The following TLN1 variants were observed in gnomAD, a reference collection of about 807,000 sequenced individuals.
TLN1 encodes the protein talin-1.
In TLN1, 56 loss-of-function variants were observed where a neutral mutation model predicts 292.3. The observed-to-expected ratio is 0.19, with a 90% CI of 0.15 to 0.24. The LOEUF (loss-of-function observed/expected upper bound fraction) is 0.24. Ranked by LOEUF, TLN1 falls within the 10% of genes least tolerant of loss-of-function variation. The probability of loss-of-function intolerance (pLI) is 1.00; values close to 1 mark genes in which losing one functional copy is unlikely to be tolerated. For synonymous variants in TLN1, 1,119 were observed against 1,253.7 expected (o/e 0.89, Z 2.27); for missense variants, 2,433 against 3,248.2 (o/e 0.75, Z 6.10).
Position 35,718,889 on chromosome 9 carries a change from C to T in TLN1, c.1918G>A (p.Ala640Thr), listed in dbSNP as rs150216234. ...CTGGCCTGGCCCACGTTCCCAGCTG[C>T]TTGCAGCAGGTTCTGACGGGGCTGT... is the stretch of plus-strand genomic sequence containing the variant. ...SAEPRQNLLQAAGNVGQASGE... is the reference protein window; with the variant it reads ...SAEPRQNLLQTAGNVGQASGE... The change falls in exon 17 of 57, where the codon GCA becomes ACA. Residue 640 changes from alanine to threonine, a missense_variant. Coordinates refer to ENST00000314888, the MANE Select transcript of TLN1 (RefSeq NM_006289.4). 10 of 1,613,292 alleles carry T rather than the reference C, an allele frequency of 6.2e-6. No individual in the cohort carries two copies. The African/African-American group carries it at 1.1e-4, about 17-fold the overall frequency.
At chr9:35,701,124 G>C (rs1825459192) in intron 48 of TLN1, among the ~76,000 whole-genome samples, 1 of 152,198 alleles carries the variant, frequency 6.6e-6, no homozygotes, top group African/African-American at 2.4e-5. Context: ...TGTTCAAAAA[G>C]CTGGAGAGAA....
Position 35,724,828 on chromosome 9 carries a change from A to C in TLN1, c.358+2T>G. On this transcript the variant is annotated splice_donor_variant, in intron 4 of 56. Transcript: ENST00000314888. LOFTEE classifies it high-confidence loss of function. This position sits in a 1 kb window ranked among gnomAD's most constrained non-coding sequence, Gnocchi z 4.7. ...GCTTTCAACTGTACTAGGGCCCCTT[A>C]CCAATGCGGGCACAGATGGTCATGA... 6.2e-7 allele frequency: 1 copy of C among 1,614,110 alleles called. No individual in the cohort carries two copies. The highest frequency in any genetic ancestry group is 8.5e-7 in the Non-Finnish European group (1 of 1,180,008).
rs780106905 is a variant in TLN1, at chr9:35,706,494, G to C, written c.5146C>G (p.Leu1716Val). The C allele has an allele frequency of 4.5e-5, 72 of 1,614,044 alleles. 1 individual carries two copies. In the Admixed American group the frequency reaches 1.2e-3, roughly 27 times the overall value. The change falls in exon 39 of 57, where the codon CTG becomes GTG. Residue 1716 changes from leucine to valine, a missense_variant. Physicochemically the swap from Leu to Val is conservative, Grantham distance 32. Around this residue, in one of 7 missense-constraint regions of TLN1, gnomAD observed 1,384 missense variants for 1,699.6 expected, o/e 0.81. Coordinates refer to ENST00000314888, the MANE Select transcript of TLN1 (RefSeq NM_006289.4). This position sits in a 1 kb window ranked among gnomAD's most constrained non-coding sequence, Gnocchi z 4.2. Reference protein sequence around the residue: ...VQEISHLIEPLANAARAEASQ... With the variant: ...VQEISHLIEPVANAARAEASQ... ...GCTTCAGCCCGGGCAGCATTGGCCA[G>C]CGGCTCAATGAGATGGGAGATCTCT...
intron 20 of TLN1, among the ~76,000 whole-genome samples, 158 bp downstream of exon 20, chr9:35,716,232 A>G (rs942924974): frequency 4.1e-5 from 6 of 145,292 alleles, no homozygotes; most frequent in Non-Finnish European, 7.5e-5. Flanking sequence ...TGGCTCACCC[A>G]CAGCCTTGGG....
In TLN1 at chr9:35,706,655, G is replaced by A. The variant is rs560933927; in HGVS notation, c.5089-104C>T. The A allele has an allele frequency of 1.6e-4, 255 of 1,577,988 alleles. No individual in the cohort carries two copies. The highest frequency in any genetic ancestry group is 2.0e-4 in the Non-Finnish European group (229 of 1,158,080). ...ATACCAAATACCCTAACCCTCCTTC[G>A]CACATCCCAGCCTTTGATGTCCCTA... On this transcript the variant is annotated intron_variant, in intron 38 of 56. Coordinates refer to ENST00000314888, the MANE Select transcript of TLN1 (RefSeq NM_006289.4). This position sits in a 1 kb window ranked among gnomAD's most constrained non-coding sequence, Gnocchi z 4.2.
Position 35,700,254 on chromosome 9 carries a change from T to A in TLN1, c.6597A>T (p.Glu2199Asp), listed in dbSNP as rs374219676. ...AVAAGNSCRQ[E>D]DVIATANLSR... ...TCAGATTGGCTGTGGCAATGACATC[T>A]TCCTGGCGACAGGAATTGCCAGCAG... Residue 2199 changes from glutamate to aspartate, a missense_variant, in exon 49 of 57, where the codon GAA becomes GAT. Physicochemically the swap from Glu to Asp is conservative, Grantham distance 45. Transcript: ENST00000314888. 13 of 1,613,354 alleles carry A rather than the reference T, an allele frequency of 8.1e-6. No homozygotes were observed. The African/African-American group carries it at 1.6e-4, about 20-fold the overall frequency.
At chr9:35,728,411 G>C (rs888326977) in intron 1 of TLN1, among the ~76,000 whole-genome samples, 6 of 152,184 alleles carry the variant, frequency 3.9e-5, no homozygotes, top group Non-Finnish European at 2.9e-5. Context: ...CTGTGGGTGA[G>C]ACTGACATAT....
chr9:35,699,665 G>A lies in TLN1; in HGVS notation c.6769-204C>T, dbSNP rs953828917. ...AGACAGTGGGGCTGTGTCACTCACC[G>A]GCTGACAAGGAGCAAGGAGAATGAT... On this transcript the variant is annotated intron_variant, in intron 50 of 56. Coordinates refer to ENST00000314888, the MANE Select transcript of TLN1 (RefSeq NM_006289.4). This position sits in a 1 kb window ranked among gnomAD's most constrained non-coding sequence, Gnocchi z 4.0. 3.0e-6 allele frequency: 3 copies of A among 985,322 alleles called. No homozygotes were observed. The highest frequency in any genetic ancestry group is 3.6e-6 in the Non-Finnish European group (3 of 829,924). The allele number at this position is 985,322 out of a possible 1,614,324, so 61.0% of individuals were successfully genotyped here.
In TLN1 at chr9:35,722,844, C is replaced by T. The variant is rs767463228; in HGVS notation, c.843+17G>A. On this transcript the variant is annotated intron_variant, in intron 8 of 56. Transcript: ENST00000314888. ...GCTCCGCGGTCATCCCAAATACTTT[C>T]CCCTACCCACATTCACCTGGAAGAT... The T allele has an allele frequency of 6.2e-7, 1 of 1,613,196 alleles. No homozygotes were observed. The highest frequency in any genetic ancestry group is 8.5e-7 in the Non-Finnish European group (1 of 1,179,412).
chr9:35,706,698 C>T lies in TLN1; in HGVS notation c.5088+70G>A. ...TGTCCCTAAGAAGCCACTCCTTGAT[C>T]CCCCAGCTTCTTTGAGTCTGATATT... On this transcript the variant is annotated intron_variant, in intron 38 of 56. Coordinates refer to ENST00000314888, the MANE Select transcript of TLN1 (RefSeq NM_006289.4). This position sits in a 1 kb window ranked among gnomAD's most constrained non-coding sequence, Gnocchi z 4.2. 1 of 1,589,274 alleles carries T rather than the reference C, an allele frequency of 6.3e-7. No homozygotes were observed. Among genetic ancestry groups the T allele is most frequent in the Non-Finnish European group, 8.6e-7 (1 of 1,167,248 alleles).
Position 35,708,230 on chromosome 9 carries a change from G to C in TLN1, c.4470+111C>G. On this transcript the variant is annotated intron_variant, in intron 34 of 56. Transcript: ENST00000314888. ...ACCCAAAAAGAAGCTGTGTGTGCAA[G>C]GTCAGAGATGGGTCCCTGCCCTCTT... is the stretch of plus-strand genomic sequence containing the variant. 7 of 1,355,750 alleles carry C rather than the reference G, an allele frequency of 5.2e-6. No homozygotes were observed. The South Asian group carries it at 1.1e-4, about 21-fold the overall frequency. 84.0% of individuals were successfully genotyped at this position (1,355,750 alleles called of 1,614,324 possible). A position where few individuals can be genotyped will look rare whatever the true frequency, so the allele number is the denominator to read the frequency against.
At position 35,722,203 on chromosome 9, in the gene TLN1, C is replaced by G. The variant is rs750294970; in HGVS notation, c.864G>C (p.Gln288His). Residue 288 changes from glutamine to histidine, a missense_variant, in exon 9 of 57, where the codon CAG becomes CAC. Physicochemically the swap from Gln to His is conservative, Grantham distance 24. Around this residue, in one of 7 missense-constraint regions of TLN1, gnomAD observed 78 missense variants for 88.8 expected, o/e 0.88. Coordinates refer to ENST00000314888, the MANE Select transcript of TLN1 (RefSeq NM_006289.4). Reference sequence around the variant, plus strand: ...GGACCTTGGCCTCAATCTCACTCATCTGCCCACAATTCTTGTGTGCCTGTG... The same window carrying G: ...GGACCTTGGCCTCAATCTCACTCATGTGCCCACAATTCTTGTGTGCCTGTG... Reference protein sequence around the residue: ...KIFQAHKNCGQMSEIEAKVRY... With the variant: ...KIFQAHKNCGHMSEIEAKVRY... The G allele has an allele frequency of 2.5e-6, 4 of 1,614,214 alleles. No homozygotes were observed. In the South Asian group the frequency reaches 4.4e-5, roughly 18 times the overall value.
In TLN1 at chr9:35,699,880, C is replaced by G; in HGVS notation, c.6768+94G>C. The G allele has an allele frequency of 7.4e-7, 1 of 1,343,664 alleles. No homozygotes were observed. Among genetic ancestry groups the G allele is most frequent in the Non-Finnish European group, 1.0e-6 (1 of 979,214 alleles). 83.2% of individuals were successfully genotyped at this position (1,343,664 alleles called of 1,614,324 possible). A position where few individuals can be genotyped will look rare whatever the true frequency, so the allele number is the denominator to read the frequency against. On this transcript the variant is annotated intron_variant, in intron 50 of 56. Coordinates refer to ENST00000314888, the MANE Select transcript of TLN1 (RefSeq NM_006289.4). This position sits in a 1 kb window ranked among gnomAD's most constrained non-coding sequence, Gnocchi z 4.0. ...GTAGAGGGTGGGGTAGGGAGGAGATCTGAGCAAAACAGACAGCAGGGTGCG... is the reference window on the plus strand; with the variant it reads ...GTAGAGGGTGGGGTAGGGAGGAGATGTGAGCAAAACAGACAGCAGGGTGCG...
At chr9:35,723,663 G>A (rs1825917249) in intron 7 of TLN1, 3 of 352,986 alleles carry the variant, frequency 8.5e-6, no homozygotes, top group Middle Eastern at 8.4e-4. Flanking sequence ...AATTTTACCC[G>A]GTTTCCCTCT....
Position 35,699,250 on chromosome 9 carries a change from T to C in TLN1, c.6875-94A>G, listed in dbSNP as rs1825422290. 2.6e-6 allele frequency: 4 copies of C among 1,556,022 alleles called. No individual in the cohort carries two copies. The South Asian group carries it at 4.8e-5, about 19-fold the overall frequency. ...GTTAGTATCATCAGGCCCTGGCATC[T>C]GTGGGGACTATGGTCAGAGGCTAGC... On this transcript the variant is annotated intron_variant, in intron 51 of 56. Coordinates refer to ENST00000314888, the MANE Select transcript of TLN1 (RefSeq NM_006289.4). This position sits in a 1 kb window ranked among gnomAD's most constrained non-coding sequence, Gnocchi z 4.0.
rs768328246 is a variant in TLN1, at chr9:35,699,045, C to G, written c.6986G>C (p.Arg2329Pro). The G allele has an allele frequency of 1.9e-6, 3 of 1,612,938 alleles. No individual in the cohort carries two copies. In the Admixed American group the frequency reaches 5.0e-5, roughly 27 times the overall value. Reference protein sequence around the residue: ...AAKKLEQLKPRAKPKEADESL... With the variant: ...AAKKLEQLKPPAKPKEADESL... Reference sequence around the variant, plus strand: ...AGCAGGACTGACCTTGGGTTTGGCCCGGGGCTTCAGCTGCTCTAGCTTTTT... The same window carrying G: ...AGCAGGACTGACCTTGGGTTTGGCCGGGGGCTTCAGCTGCTCTAGCTTTTT... The change falls in exon 52 of 57, where the codon CGG becomes CCG. Residue 2329 changes from arginine (R) to proline (P), a missense_variant. Transcript: ENST00000314888. This position sits in a 1 kb window ranked among gnomAD's most constrained non-coding sequence, Gnocchi z 4.0.
intron 8 of TLN1, 76 bp from the exon 9 acceptor site, chr9:35,722,299 TAA>T: frequency 7.9e-7 from 1 of 1,272,870 alleles, no homozygotes; most frequent in Non-Finnish European, 1.1e-6. Context: ...ATGCTAACTC[TAA>T]CGAGAGAGAA....
At chr9:35,716,654 G>A in intron 19 of TLN1, 98 bp from the exon 20 acceptor site, 1 of 1,271,180 alleles carries the variant, frequency 7.9e-7, no homozygotes, top group South Asian at 1.4e-5. Flanking sequence ...CAAGGTAGAT[G>A]GGGGCTTTAG....
intron 34 of TLN1, 180 bp from the exon 35 acceptor site, chr9:35,708,072 TG>T (rs1825596822): frequency 1.0e-5 from 8 of 769,148 alleles, no homozygotes; most frequent in Non-Finnish European, 1.6e-5. Context: ...GAACTGGGCA[TG>T]GGAGAGGAAA....
Sources: allele counts gnomAD v4.1 joint callset (sites outside exome capture counted in the v4.1 genomes callset), GRCh38; gene constraint gnomAD v4.1.1; regional missense constraint gnomAD v4.1.1; non-coding constraint Gnocchi (gnomAD v3.1); transcripts MANE v1.5; gene names NCBI Gene and HGNC (gene_info 2026-07-23, HGNC 2026-07-21).